SPTSSA: variants seen among roughly 807,000 people sequenced by gnomAD.
SPTSSA encodes small subunit of serine palmitoyltransferase A.
Under a neutral mutation model 9.1 loss-of-function variants are expected in SPTSSA, and 8 were observed. The observed-to-expected ratio is 0.88, with a 90% confidence interval of 0.51 to 1.58. The LOEUF is 1.58. Among genes scored for constraint, SPTSSA ranks in the 40% most tolerant of loss-of-function variants. The pLI is 0.00. For synonymous variants in SPTSSA, 42 were observed against 37.7 expected (o/e 1.11, Z -0.41); for missense variants, 100 against 93.8 (o/e 1.07, Z -0.27).
At chr14:34,454,155 A>G (rs139500380) in intron 1 of SPTSSA, among the ~76,000 whole-genome samples, 56 of 152,316 alleles carry the variant, frequency 3.7e-4, no homozygotes, top group African/African-American at 1.2e-3. Flanking sequence ...ACTGAACTCC[A>G]GCCTGGGCAA....
intron 1 of SPTSSA, among the ~76,000 whole-genome samples, chr14:34,445,878 C>T (rs150236118): frequency 6.6e-6 from 1 of 152,140 alleles, no homozygotes; most frequent in Admixed American, 6.6e-5. Flanking sequence ...CCAAATCAAA[C>T]CAGTTGATAC....
intron 1 of SPTSSA, among the ~76,000 whole-genome samples, chr14:34,454,057 G>C (rs1594625152): frequency 6.6e-6 from 1 of 152,064 alleles, no homozygotes; most frequent in Non-Finnish European, 1.5e-5. Context: ...GTGTGTGCCT[G>C]TAGTCCCCAC....
At chr14:34,459,424 A>G (rs1409761017) in intron 1 of SPTSSA, among the ~76,000 whole-genome samples, 1 of 145,510 alleles carries the variant, frequency 6.9e-6, no homozygotes, top group Non-Finnish European at 1.5e-5. Flanking sequence ...GCACCACCAC[A>G]CTCCAGCCTC....
chr14:34,451,494 T>C (rs140125848), intron 1 of SPTSSA, among the ~76,000 whole-genome samples: 3,421 of 151,930 alleles, frequency 0.023, 58 homozygotes, highest in South Asian at 0.05. Context: ...GAGGCCAAGG[T>C]GGGCAGATCA....
At chr14:34,455,679 C>T (rs1176047680) in intron 1 of SPTSSA, among the ~76,000 whole-genome samples, 1 of 152,050 alleles carries the variant, frequency 6.6e-6, no homozygotes, top group African/African-American at 2.4e-5. Flanking sequence ...CACCTGTAAT[C>T]CCAGCACTTT....
At position 34,440,066 on chromosome 14, in the gene SPTSSA, TA is replaced by T. The variant is rs1244873892; in HGVS notation, c.113-4763del. Among the ~76,000 whole-genome samples, 105 of 152,290 alleles carry T rather than the reference TA, an allele frequency of 6.9e-4. 5 individuals are homozygous for T. Among genetic ancestry groups the T allele is most frequent in the Admixed American group, 6.9e-3 (105 of 15,298 alleles). ...CTTTAATACTTTGTTTGAAAGTGAG[TA>T]ACACAGCACTTACCACCTGACATTA... On this transcript the variant is annotated intron_variant, in intron 1 of 1. Transcript: ENST00000298130.
chr14:34,447,875 C>T (rs1177335626), intron 1 of SPTSSA, among the ~76,000 whole-genome samples: 2 of 152,212 alleles, frequency 1.3e-5, no homozygotes, highest in Non-Finnish European at 2.9e-5. Flanking sequence ...CATTCCCTCT[C>T]GCCTAGAAAC....
chr14:34,461,899 C>G (rs1878624791), intron 1 of SPTSSA, among the ~76,000 whole-genome samples, 197 bp downstream of exon 1: 1 of 151,876 alleles, frequency 6.6e-6, no homozygotes, highest in Non-Finnish European at 1.5e-5. Context: ...CAAGAGTTCT[C>G]GTCTCCCCCA....
intron 1 of SPTSSA, among the ~76,000 whole-genome samples, chr14:34,444,382 G>A (rs143342752): frequency 0.012 from 1,858 of 151,164 alleles, 18 homozygotes; most frequent in Non-Finnish European, 0.02. Flanking sequence ...TGTAGCATTG[G>A]CCACACCCCT....
intron 1 of SPTSSA, among the ~76,000 whole-genome samples, chr14:34,456,052 G>A (rs938203080): frequency 2.6e-5 from 4 of 152,204 alleles, no homozygotes; most frequent in Admixed American, 6.5e-5. Context: ...GGCTGGGCGC[G>A]GTGGCTCACA....
chr14:34,449,739 G>A (rs1883486778), intron 1 of SPTSSA, among the ~76,000 whole-genome samples: 1 of 151,954 alleles, frequency 6.6e-6, no homozygotes, highest in South Asian at 2.1e-4. Context: ...CTGGCCTCAG[G>A]TGATCCGCCC....
Position 34,458,309 on chromosome 14 carries a change from C to T in SPTSSA, c.112+3787G>A, listed in dbSNP as rs929230098. On this transcript the variant is annotated intron_variant, in intron 1 of 1. Coordinates refer to ENST00000298130, the MANE Select transcript of SPTSSA (RefSeq NM_138288.4). ...CCAGGTTCAAGAGATTCTGGTGCCT[C>T]AGCCACCAAAGTAGCTGGCGTACAC... is the stretch of plus-strand genomic sequence containing the variant. Among the ~76,000 whole-genome samples the T allele has an allele frequency of 5.3e-5, 8 of 151,726 alleles. No homozygotes were observed. In the East Asian group the frequency reaches 1.6e-3, roughly 30 times the overall value.
intron 1 of SPTSSA, among the ~76,000 whole-genome samples, chr14:34,437,963 G>C (rs958362699): frequency 2.6e-5 from 4 of 152,000 alleles, no homozygotes; most frequent in African/African-American, 9.7e-5. Context: ...ACCACGCCCA[G>C]CTGATTTCTT....
At chr14:34,442,042 A>C (rs2138820086) in intron 1 of SPTSSA, among the ~76,000 whole-genome samples, 1 of 151,990 alleles carries the variant, frequency 6.6e-6, no homozygotes, top group South Asian at 2.1e-4. Context: ...TGCCCGGCTA[A>C]TTTTTGTATT....
chr14:34,449,049 C>T (rs1028278912), intron 1 of SPTSSA, among the ~76,000 whole-genome samples: 5 of 152,072 alleles, frequency 3.3e-5, no homozygotes, highest in South Asian at 2.1e-4. Flanking sequence ...TACAGGGACA[C>T]AGTAAGTGAA....
At chr14:34,453,232 C>A (rs1458328770) in intron 1 of SPTSSA, among the ~76,000 whole-genome samples, 1 of 152,228 alleles carries the variant, frequency 6.6e-6, no homozygotes, top group Non-Finnish European at 1.5e-5. Flanking sequence ...GTACTCCTAA[C>A]CCCCAAGTGG....
Position 34,459,399 on chromosome 14 carries a change from C to G in SPTSSA, c.112+2697G>C, listed in dbSNP as rs566286977. On this transcript the variant is annotated intron_variant, in intron 1 of 1. Coordinates refer to ENST00000298130, the MANE Select transcript of SPTSSA (RefSeq NM_138288.4). ...CGCTTGAATCCGGGATGCAAAGTTG[C>G]AGTGAGCCAAGATTGCACCACCACA... Among the ~76,000 whole-genome samples, 42 of 144,228 alleles carry G rather than the reference C, an allele frequency of 2.9e-4. 1 individual carries two copies. The highest frequency in any genetic ancestry group is 1.0e-3 in the African/African-American group (39 of 38,022). The allele number at this position is 144,228 out of a possible 152,430, so 94.6% of individuals were successfully genotyped here. A position where few individuals can be genotyped will look rare whatever the true frequency, so the allele number is the denominator to read the frequency against.
At chr14:34,451,717 C>CAAAAAAAAAAAAAAAAAA (rs35096900) in intron 1 of SPTSSA, among the ~76,000 whole-genome samples, 1 of 77,182 alleles carries the variant, frequency 1.3e-5, no homozygotes, top group African/African-American at 4.2e-5. Flanking sequence ...GACTCTGTTT[C>CAAAAAAAAAAAAAAAAAA]AAAAAAAAAA....
In SPTSSA at chr14:34,435,264, T is replaced by C; in HGVS notation, c.153A>G (p.Thr51=). 5 of 1,613,910 alleles carry C rather than the reference T, an allele frequency of 3.1e-6. No individual in the cohort carries two copies. Among genetic ancestry groups the C allele is most frequent in the South Asian group, 1.1e-5 (1 of 91,054 alleles). ...LVSIVGMALY[T]GYVFMPQHIM... is the part of the protein sequence containing the mutation. ...TGTGCTGGGGCATGAAGACGTATCC[T>C]GTGTATAGTGCCATCCCCACAATGG... Residue 51 remains threonine, a synonymous_variant, in exon 2 of 2, where the codon ACA becomes ACG. Transcript: ENST00000298130.
Sources: gnomAD v4.1 joint callset for allele counts (sites outside exome capture counted in the v4.1 genomes callset) on GRCh38, gnomAD v4.1.1 for gene constraint, MANE v1.5 for transcripts, NCBI Gene and HGNC (gene_info 2026-07-23, HGNC 2026-07-21) for gene names.